Variants in BBX observed in about 807,000 individuals in gnomAD.
BBX encodes HMG box transcription factor BBX.
A neutral mutation model predicts 100.2 loss-of-function variants in BBX; 30 were observed. That is an observed-to-expected ratio of 0.30 (90% CI 0.22 to 0.41). The LOEUF (loss-of-function observed/expected upper bound fraction) is 0.41, where lower values mean the gene tolerates loss of function less well. Among genes scored for constraint, BBX ranks in the 10% least tolerant of loss-of-function variants. BBX has a pLI of 1.00. For missense variants in BBX, 1,023 were observed against 1,129.8 expected (o/e 0.91, Z 1.35); for synonymous variants, 376 against 388.1 (o/e 0.97, Z 0.37).
At chr3:107,705,181 G>A (rs1379574874) in intron 3 of BBX, among the ~76,000 whole-genome samples, 1 of 152,046 alleles carries the variant, frequency 6.6e-6, no homozygotes, top group Non-Finnish European at 1.5e-5. Flanking sequence ...TCTGGAGAAG[G>A]CCGTGCGGTT....
intron 2 of BBX, among the ~76,000 whole-genome samples, chr3:107,632,328 G>A (rs1243623775): frequency 2.0e-5 from 3 of 151,914 alleles, no homozygotes; most frequent in African/African-American, 4.8e-5. Context: ...CAGATAATCT[G>A]CCAGCCTTGG....
Position 107,557,904 on chromosome 3 carries a change from G to A in BBX, c.-84+31506G>A, listed in dbSNP as rs1398762124. On this transcript the variant is annotated intron_variant, in intron 2 of 17. Transcript: ENST00000325805. ...ATGTTTAGTAATATTAGCAAGGGGG[G>A]AAAGCAGGATGAGGAGGGCAGTGGC... Among the ~76,000 whole-genome samples the A allele has an allele frequency of 2.6e-5, 4 of 152,332 alleles. No individual in the cohort carries two copies. In the East Asian group the frequency reaches 5.8e-4, roughly 22 times the overall value.
intron 2 of BBX, among the ~76,000 whole-genome samples, chr3:107,614,099 A>G (rs568669807): frequency 6.6e-6 from 1 of 151,666 alleles, no homozygotes; most frequent in Non-Finnish European, 1.5e-5. Flanking sequence ...CTACAGGCAC[A>G]CACCACCACG....
At chr3:107,641,830 CTG>C (rs941388526) in intron 2 of BBX, 6 of 152,204 alleles carry the variant, frequency 3.9e-5, no homozygotes, top group Non-Finnish European at 8.8e-5. Context: ...TGTGAAACAG[CTG>C]TGGTTTAAGC....
intron 2 of BBX, among the ~76,000 whole-genome samples, chr3:107,528,412 G>A (rs2047926273): frequency 1.3e-5 from 2 of 152,120 alleles, no homozygotes; most frequent in African/African-American, 4.8e-5. Flanking sequence ...TGGAGGTACT[G>A]TGGCAGTTTT....
chr3:107,737,884 G>GTTTTTTTTTTTTT (rs1156396951), intron 7 of BBX, among the ~76,000 whole-genome samples: 2 of 48,884 alleles, frequency 4.1e-5, no homozygotes, highest in Non-Finnish European at 6.9e-5. Flanking sequence ...CAGAGTTCCA[G>GTTTTTTTTTTTTT]TTTTTTTTTT....
chr3:107,621,873 T>C (rs1409064971), intron 2 of BBX, among the ~76,000 whole-genome samples: 2 of 152,218 alleles, frequency 1.3e-5, no homozygotes, highest in Admixed American at 6.5e-5. Flanking sequence ...AATACTCTTA[T>C]TCATAGATAC....
At chr3:107,744,831 A>G in intron 8 of BBX, 121 bp downstream of exon 8, 2 of 749,394 alleles carry the variant, frequency 2.7e-6, no homozygotes, top group Admixed American at 2.5e-5. Flanking sequence ...AAGTGGGAAA[A>G]TAGAATCAAA....
intron 3 of BBX, among the ~76,000 whole-genome samples, chr3:107,670,110 ATTTC>A: frequency 6.6e-6 from 1 of 152,262 alleles, no homozygotes; most frequent in Admixed American, 6.5e-5. Flanking sequence ...AGATTTAACT[ATTTC>A]TTATTCACAG....
At chr3:107,735,998 C>T (rs187574407) in intron 7 of BBX, among the ~76,000 whole-genome samples, 23 of 151,940 alleles carry the variant, frequency 1.5e-4, no homozygotes, top group African/African-American at 5.3e-4. Flanking sequence ...TGCACATAAT[C>T]GGCCTTGTTT....
At chr3:107,546,758 G>C (rs955528784) in intron 2 of BBX, among the ~76,000 whole-genome samples, 5 of 152,038 alleles carry the variant, frequency 3.3e-5, no homozygotes, top group Admixed American at 2.0e-4. Context: ...CATGATTTGG[G>C]ACCTGAAAAA....
intron 4 of BBX, chr3:107,711,216 A>G (rs950303597): frequency 2.4e-6 from 1 of 419,496 alleles, no homozygotes; most frequent in Non-Finnish European, 4.9e-6. Context: ...TCTTCATGGC[A>G]CTTATTGCTA....
chr3:107,687,374 C>T (rs1350910112), intron 3 of BBX, among the ~76,000 whole-genome samples: 2 of 151,108 alleles, frequency 1.3e-5, no homozygotes, highest in African/African-American at 2.4e-5. Flanking sequence ...TCTGTGAAGG[C>T]CCGCATAGCT....
intron 10 of BBX, among the ~76,000 whole-genome samples, chr3:107,758,642 G>C (rs1046825661): frequency 6.6e-6 from 1 of 152,040 alleles, no homozygotes; most frequent in Non-Finnish European, 1.5e-5. Context: ...CCAACCACCC[G>C]AGTACTCTTC....
chr3:107,566,629 G>A (rs2050940478), intron 2 of BBX, among the ~76,000 whole-genome samples: 1 of 149,138 alleles, frequency 6.7e-6, no homozygotes, highest in African/African-American at 2.5e-5. Context: ...TTTTGTTGTT[G>A]GGTTTTCTGT....
intron 13 of BBX, 87 bp downstream of exon 13, chr3:107,778,606 A>G (rs972544042): frequency 7.0e-7 from 1 of 1,424,460 alleles, no homozygotes; most frequent in Non-Finnish European, 9.5e-7. Flanking sequence ...TAGACATATC[A>G]TTGGATTTGG....
intron 2 of BBX, among the ~76,000 whole-genome samples, chr3:107,538,242 C>T (rs2048633401): frequency 6.6e-6 from 1 of 152,036 alleles, no homozygotes; most frequent in South Asian, 2.1e-4. Context: ...TCTGCATGAG[C>T]GATGCAAATT....
In BBX at chr3:107,688,042, A is replaced by C. The variant is rs185832096; in HGVS notation, c.-9-22410A>C. 5.9e-5 allele frequency among the ~76,000 whole-genome samples: 9 copies of C among 152,260 alleles called. No individual in the cohort carries two copies. In the East Asian group the frequency reaches 1.5e-3, roughly 26 times the overall value. On this transcript the variant is annotated intron_variant, in intron 3 of 17. Transcript: ENST00000325805. The stretch of plus-strand genomic sequence containing the variant: ...AGCACTCTAGCCTGCGTGATGAGCG[A>C]AACTCCATCTGAAAAAAAAAGAAGA...
At position 107,810,184 on chromosome 3, in the gene BBX, A is replaced by G. The variant is rs1165137595; in HGVS notation, c.*4727A>G. ...CATCTGTATGTGCTACCCTTCCTTC[A>G]AATATATAAATGTGCATCTTTTTTT... is the stretch of plus-strand genomic sequence containing the variant. On this transcript the variant is annotated 3_prime_UTR_variant, in exon 18 of 18. Coordinates refer to ENST00000325805, the MANE Select transcript of BBX (RefSeq NM_001142568.3). 1 of 151,578 alleles carries G rather than the reference A, an allele frequency of 6.6e-6. No individual in the cohort carries two copies. The highest frequency in any genetic ancestry group is 2.4e-5 in the African/African-American group (1 of 41,196). The allele number at this position is 151,578 out of a possible 1,614,324, so 9.4% of individuals were successfully genotyped here. A position where few individuals can be genotyped will look rare whatever the true frequency, so the allele number is the denominator to read the frequency against.
Sources: gnomAD v4.1 joint callset for allele counts (sites outside exome capture counted in the v4.1 genomes callset) on GRCh38, gnomAD v4.1.1 for gene constraint, MANE v1.5 for transcripts, NCBI Gene and HGNC (gene_info 2026-07-23, HGNC 2026-07-21) for gene names.